SCUBE1: variants seen among roughly 807,000 people sequenced by gnomAD.
SCUBE1 encodes signal peptide, CUB domain and EGF like domain containing 1, also known as signal peptide, CUB and EGF-like domain-containing protein 1.
In SCUBE1, 59 loss-of-function variants were observed where a neutral mutation model predicts 124.4. The observed-to-expected ratio is 0.47, with a 90% CI of 0.38 to 0.59. The LOEUF (loss-of-function observed/expected upper bound fraction) is 0.59, where lower values mean the gene tolerates loss of function less well. SCUBE1 is among the 20% of genes least tolerant of loss of function. The probability of loss-of-function intolerance (pLI) is 0.00; values close to 1 mark genes in which losing one functional copy is unlikely to be tolerated. For missense variants in SCUBE1, 1,150 were observed against 1,371.2 expected (o/e 0.84, Z 2.55); for synonymous variants, 545 against 550.9 (o/e 0.99, Z 0.15).
chr22:43,332,380 T>C (rs757082623), intron 2 of SCUBE1, among the ~76,000 whole-genome samples: 21 of 152,144 alleles, frequency 1.4e-4, no homozygotes, highest in Non-Finnish European at 1.6e-4. Context: ...AAATGGTAGC[T>C]TCCAGCCCCT....
chr22:43,255,678 C>A lies in SCUBE1; in HGVS notation c.727+2541G>T. 1 of 991,814 alleles carries A rather than the reference C, an allele frequency of 1.0e-6. No homozygotes were observed. Among genetic ancestry groups the A allele is most frequent in the Non-Finnish European group, 1.5e-6 (1 of 648,206 alleles). The allele number at this position is 991,814 out of a possible 1,614,324, so 61.4% of individuals were successfully genotyped here. On this transcript the variant is annotated intron_variant, in intron 6 of 21. Transcript: ENST00000360835. The surrounding 1 kb of genome is among the most constrained non-coding windows in gnomAD (Gnocchi z 4.7). ...CCTCTCGGCGTGGCGCACGCAAAGC[C>A]AACACAACACGCCGGCCAGCTCGGC...
At chr22:43,278,787 G>C (rs1354946356) in intron 4 of SCUBE1, among the ~76,000 whole-genome samples, 1 of 152,168 alleles carries the variant, frequency 6.6e-6, no homozygotes, top group Non-Finnish European at 1.5e-5. Context: ...CCCATGATGG[G>C]GACATTAGTA....
chr22:43,299,870 A>C lies in SCUBE1; in HGVS notation c.350-8690T>G, dbSNP rs562240710. On this transcript the variant is annotated intron_variant, in intron 3 of 21. Transcript: ENST00000360835. ...CATTCTGGACATTTCATGTAAAGAG[A>C]GTCATGCGATATTTGTCTTTGTGTG... Among the ~76,000 whole-genome samples the C allele has an allele frequency of 1.4e-4, 21 of 152,224 alleles. 1 individual carries two copies. The highest frequency in any genetic ancestry group is 4.8e-4 in the African/African-American group (20 of 41,546).
intron 14 of SCUBE1, among the ~76,000 whole-genome samples, chr22:43,219,128 C>T (rs1487752637): frequency 6.6e-6 from 1 of 152,128 alleles, no homozygotes; most frequent in Non-Finnish European, 1.5e-5. Context: ...AAATCTGATC[C>T]CTAATGCTGG....
At chr22:43,338,274 T>G (rs1277268241) in intron 2 of SCUBE1, among the ~76,000 whole-genome samples, 2 of 152,154 alleles carry the variant, frequency 1.3e-5, no homozygotes, top group African/African-American at 4.8e-5. Flanking sequence ...GAGGCAGTTT[T>G]TAATAGCAGG....
At chr22:43,275,496 T>C (rs1924469693) in intron 4 of SCUBE1, among the ~76,000 whole-genome samples, 1 of 152,200 alleles carries the variant, frequency 6.6e-6, no homozygotes, top group African/African-American at 2.4e-5. Context: ...AACACAAGGA[T>C]GACTTAAACA....
chr22:43,219,767 G>A (rs956855849), intron 14 of SCUBE1, among the ~76,000 whole-genome samples: 9 of 151,992 alleles, frequency 5.9e-5, no homozygotes, highest in African/African-American at 2.2e-4. Context: ...GAGCCAGTGT[G>A]CCCAGCCAGA....
chr22:43,342,176 G>A (rs916033654), intron 1 of SCUBE1, among the ~76,000 whole-genome samples: 20 of 146,248 alleles, frequency 1.4e-4, no homozygotes, highest in African/African-American at 5.0e-4. Context: ...CGGAGGAAGC[G>A]CCTCTGATGA....
At chr22:43,230,570 T>G (rs1377656583) in intron 8 of SCUBE1, among the ~76,000 whole-genome samples, 4 of 152,174 alleles carry the variant, frequency 2.6e-5, no homozygotes, top group Non-Finnish European at 4.4e-5. Flanking sequence ...TCCTCAGCCC[T>G]CTGCAGAAGA....
At chr22:43,217,574 C>T (rs1003204723) in intron 15 of SCUBE1, among the ~76,000 whole-genome samples, 1 of 152,210 alleles carries the variant, frequency 6.6e-6, no homozygotes, top group East Asian at 1.9e-4. Context: ...CTAAGCATTC[C>T]TATGGCTCCC....
At chr22:43,221,386 TG>T in intron 12 of SCUBE1, 97 bp from the exon 13 acceptor site, 1 of 426,654 alleles carries the variant, frequency 2.3e-6, no homozygotes, top group Non-Finnish European at 4.2e-6. Flanking sequence ...CATCTGGAGC[TG>T]GGGGTGGGGC....
chr22:43,223,186 G>T lies in SCUBE1; in HGVS notation c.1238C>A (p.Thr413Asn). Residue 413 changes from threonine to asparagine, a missense_variant, in exon 11 of 22, where the codon ACC becomes AAC. Transcript: ENST00000360835. ...ETGKCLSRAKTSPRAQLSCSK... is the reference protein window; with the variant it reads ...ETGKCLSRAKNSPRAQLSCSK... Reference sequence around the variant, plus strand: ...GCAGGACAGCTGGGCCCGGGGGGAGGTCTTGGCGCGAGAAAGACACTTGCC... The same window carrying T: ...GCAGGACAGCTGGGCCCGGGGGGAGTTCTTGGCGCGAGAAAGACACTTGCC... The T allele has an allele frequency of 1.3e-6, 2 of 1,572,906 alleles. No individual in the cohort carries two copies. The highest frequency in any genetic ancestry group is 1.7e-6 in the Non-Finnish European group (2 of 1,168,126).
At position 43,214,253 on chromosome 22, in the gene SCUBE1, T is replaced by G. The variant is rs1921710914; in HGVS notation, c.1892-2A>C. The stretch of plus-strand genomic sequence containing the variant: ...AGTGGGTGCCAGGCCCACAGGCAAC[T>G]GCAGAGGCAAAGCGGAGAGGCTGCT... On this transcript the variant is annotated splice_acceptor_variant, in intron 15 of 21. Coordinates refer to ENST00000360835, the MANE Select transcript of SCUBE1 (RefSeq NM_173050.5). LOFTEE classifies it high-confidence loss of function. 6.2e-7 allele frequency: 1 copy of G among 1,610,908 alleles called. No homozygotes were observed. The highest frequency in any genetic ancestry group is 1.7e-5 in the Admixed American group (1 of 59,874).
chr22:43,204,120 G>T lies in SCUBE1; in HGVS notation c.2844C>A (p.Asp948Glu), dbSNP rs140846155. ...AGTAGTTCTGGGGATGCGCCAGCAC[G>T]TCGAAGAGGGCCTTGATCAGCTTCT... ...KDKKLIKALFDVLAHPQNYFK... is the reference protein window; with the variant it reads ...KDKKLIKALFEVLAHPQNYFK... Residue 948 changes from aspartate (D) to glutamate (E), a missense_variant, in exon 22 of 22, where the codon GAC becomes GAA. This residue lies in a region of SCUBE1 where 757 missense variants were observed against 840.9 expected (regional missense o/e 0.90). Coordinates refer to ENST00000360835, the MANE Select transcript of SCUBE1 (RefSeq NM_173050.5). 1 of 1,614,006 alleles carries T rather than the reference G, an allele frequency of 6.2e-7. No individual in the cohort carries two copies. The highest frequency in any genetic ancestry group is 1.7e-5 in the Admixed American group (1 of 59,998).
At chr22:43,223,704 G>C (rs1339242211) in intron 10 of SCUBE1, among the ~76,000 whole-genome samples, 1 of 152,184 alleles carries the variant, frequency 6.6e-6, no homozygotes, top group East Asian at 1.9e-4. Flanking sequence ...AAAGTCCCCC[G>C]GACTCCTAGG....
At chr22:43,251,315 G>A (rs972892217) in intron 6 of SCUBE1, among the ~76,000 whole-genome samples, 108 of 152,302 alleles carry the variant, frequency 7.1e-4, no homozygotes, top group African/African-American at 2.5e-3. Flanking sequence ...GGGCAGGTGT[G>A]GGCTCTGCCC....
chr22:43,296,446 T>C (rs760626965), intron 3 of SCUBE1, among the ~76,000 whole-genome samples: 1 of 152,244 alleles, frequency 6.6e-6, no homozygotes, highest in African/African-American at 2.4e-5. Flanking sequence ...TCTTTATTTA[T>C]GACCACAGCT....
In SCUBE1 at chr22:43,315,820, C is replaced by G. The variant is rs141790776; in HGVS notation, c.349+4117G>C. Among the ~76,000 whole-genome samples the G allele has an allele frequency of 3.7e-3, 567 of 152,280 alleles. 5 individuals carry two copies. Among genetic ancestry groups the G allele is most frequent in the African/African-American group, 0.013 (535 of 41,540 alleles). ...GTGTAAACATAATCCATTGTGAAAA[C>G]AATGTTGTTGAGACAAAGGCCCACA... On this transcript the variant is annotated intron_variant, in intron 3 of 21. Transcript: ENST00000360835.
At chr22:43,319,551 T>C (rs1601887893) in intron 3 of SCUBE1, among the ~76,000 whole-genome samples, 2 of 83,490 alleles carry the variant, frequency 2.4e-5, no homozygotes, top group Admixed American at 1.8e-4. Context: ...AGAGCAAGAC[T>C]CCATCTCAAA....
Sources: allele counts gnomAD v4.1 joint callset (sites outside exome capture counted in the v4.1 genomes callset), GRCh38; gene constraint gnomAD v4.1.1; regional missense constraint gnomAD v4.1.1; non-coding constraint Gnocchi (gnomAD v3.1); transcripts MANE v1.5; gene names NCBI Gene and HGNC (gene_info 2026-07-23, HGNC 2026-07-21).